Variants in CACNA1E observed in about 807,000 individuals in gnomAD.
CACNA1E encodes the protein calcium voltage-gated channel subunit alpha1 E, also known as voltage-dependent R-type calcium channel subunit alpha-1E.
In CACNA1E, 40 loss-of-function variants were observed where a neutral mutation model predicts 259.2. That is an observed-to-expected ratio of 0.15 (90% CI 0.12 to 0.20). CACNA1E has a LOEUF of 0.20. CACNA1E is among the 10% of genes least tolerant of loss of function. CACNA1E has a pLI of 1.00. For synonymous variants in CACNA1E, 1,104 were observed against 1,138.5 expected, an observed-to-expected ratio of 0.97 and a Z score of 0.61; for missense variants, 1,874 against 3,040.1, an observed-to-expected ratio of 0.62 and a Z score of 9.02.
At chr1:181,793,623 T>C in intron 44 of CACNA1E, 42 bp from the exon 45 acceptor site, 1 of 1,595,270 alleles carries the variant, frequency 6.3e-7, no homozygotes, top group Non-Finnish European at 8.5e-7. Flanking sequence ...AGCAATGAGA[T>C]GGAACCAAGT....
intron 3 of CACNA1E, among the ~76,000 whole-genome samples, chr1:181,568,741 A>G (rs1292588083): frequency 6.6e-6 from 1 of 152,134 alleles, no homozygotes; most frequent in Non-Finnish European, 1.5e-5. Flanking sequence ...CTACAGACAC[A>G]TGCCACCATG....
At chr1:181,414,212 T>C (rs972417230) in intron 2 of CACNA1E, among the ~76,000 whole-genome samples, 1 of 152,220 alleles carries the variant, frequency 6.6e-6, no homozygotes, top group African/African-American at 2.4e-5. Context: ...GCCCCAGGTT[T>C]TTGCTCCATA....
intron 6 of CACNA1E, among the ~76,000 whole-genome samples, chr1:181,628,309 C>T (rs1036335494): frequency 1.3e-5 from 2 of 152,178 alleles, no homozygotes; most frequent in African/African-American, 4.8e-5. Context: ...AGAGTGGATA[C>T]AGTGGCTCTG....
chr1:181,604,700 T>C (rs1654064553), intron 6 of CACNA1E, among the ~76,000 whole-genome samples: 1 of 152,246 alleles, frequency 6.6e-6, no homozygotes. Context: ...CTACACACTT[T>C]GCCCTATTTT....
At chr1:181,347,696 TA>T (rs1652710767) in intron 1 of CACNA1E, among the ~76,000 whole-genome samples, 1 of 152,240 alleles carries the variant, frequency 6.6e-6, no homozygotes, top group African/African-American at 2.4e-5. Context: ...TGTGACAGTC[TA>T]AACTCAATGA....
At position 181,604,798 on chromosome 1, in the gene CACNA1E, T is replaced by C. The variant is rs149947963; in HGVS notation, c.951+24022T>C. 1.8e-3 allele frequency among the ~76,000 whole-genome samples: 281 copies of C among 152,264 alleles called. 3 individuals carry two copies. The highest frequency in any genetic ancestry group is 6.3e-3 in the African/African-American group (263 of 41,558). On this transcript the variant is annotated intron_variant, in intron 6 of 47. Coordinates refer to ENST00000367573, the MANE Select transcript of CACNA1E (RefSeq NM_001205293.3). ...CCTCTCAGAGCCACTCTGATCCTCATAGGGTGGGAACTTGGCCCGGGGATG... is the reference window on the plus strand; with the variant it reads ...CCTCTCAGAGCCACTCTGATCCTCACAGGGTGGGAACTTGGCCCGGGGATG...
intron 1 of CACNA1E, among the ~76,000 whole-genome samples, chr1:181,361,148 A>T (rs934005984): frequency 6.6e-6 from 1 of 152,118 alleles, no homozygotes; most frequent in African/African-American, 2.4e-5. Context: ...TAGACACTGA[A>T]TCCTCTCTGC....
chr1:181,549,525 G>A (rs1297593608), intron 3 of CACNA1E, among the ~76,000 whole-genome samples: 1 of 152,194 alleles, frequency 6.6e-6, no homozygotes, highest in Non-Finnish European at 1.5e-5. Flanking sequence ...CCTTCAGGCT[G>A]CTTTCACATT....
At chr1:181,765,168 A>G (rs894234625) in intron 34 of CACNA1E, among the ~76,000 whole-genome samples, 111 of 152,150 alleles carry the variant, frequency 7.3e-4, no homozygotes, top group African/African-American at 2.6e-3. Context: ...CCCTCCCTAA[A>G]CAGCATCCAG....
intron 12 of CACNA1E, among the ~76,000 whole-genome samples, 173 bp downstream of exon 12, chr1:181,718,340 G>A (rs1281530967): frequency 1.3e-5 from 2 of 152,102 alleles, no homozygotes; most frequent in African/African-American, 4.8e-5. Flanking sequence ...CCCATGCAGG[G>A]TTTGTTTGTT....
intron 43 of CACNA1E, among the ~76,000 whole-genome samples, chr1:181,787,866 CA>C (rs1463579128): frequency 2.6e-5 from 4 of 152,100 alleles, no homozygotes; most frequent in Admixed American, 2.6e-4. Context: ...ATGGAGAGCT[CA>C]GGGGATGTGT....
At chr1:181,423,662 A>ATTTT (rs11302089) in intron 2 of CACNA1E, among the ~76,000 whole-genome samples, 14 of 130,994 alleles carry the variant, frequency 1.1e-4, no homozygotes, top group South Asian at 2.5e-4. Context: ...CATTGGGCCA[A>ATTTT]TTTTTTTTTT....
chr1:181,344,128 C>T (rs963727472), intron 1 of CACNA1E, among the ~76,000 whole-genome samples: 1 of 152,166 alleles, frequency 6.6e-6, no homozygotes, highest in Non-Finnish European at 1.5e-5. Context: ...CTAGCAGTCA[C>T]CCCACTGCTC....
rs1414208414 is a variant in CACNA1E at position 181,373,283 on chromosome 1, T to C, written c.-14-39850T>C. On this transcript the variant is annotated intron_variant, in intron 1 of 11. Transcript: ENST00000524607. ...CTGGTCCAGGGGTTTTTCTGGTTGG[T>C]AGGTTTTTATTACTGATTTAATCTT... Among the ~76,000 whole-genome samples, 3 of 152,162 alleles carry C rather than the reference T, an allele frequency of 2.0e-5. No homozygotes were observed. The East Asian group carries it at 5.8e-4, about 29-fold the overall frequency.
chr1:181,380,768 A>G (rs1018906914), intron 1 of CACNA1E, among the ~76,000 whole-genome samples: 23 of 152,228 alleles, frequency 1.5e-4, no homozygotes, highest in African/African-American at 5.1e-4. Flanking sequence ...AAATGATAGA[A>G]TTATGTTGGA....
chr1:181,763,108 T>C (rs1488630970), intron 33 of CACNA1E, among the ~76,000 whole-genome samples: 1 of 152,172 alleles, frequency 6.6e-6, no homozygotes, highest in Non-Finnish European at 1.5e-5. Context: ...ATCTGCTCTT[T>C]TTGGCATTTA....
At chr1:181,488,347 A>G (rs1414782864) in intron 1 of CACNA1E, among the ~76,000 whole-genome samples, 1 of 152,216 alleles carries the variant, frequency 6.6e-6, no homozygotes, top group Non-Finnish European at 1.5e-5. Flanking sequence ...GAAGTCTGTA[A>G]TTATATCCTA....
chr1:181,597,462 T>A (rs1281336514), intron 6 of CACNA1E, among the ~76,000 whole-genome samples: 3 of 152,210 alleles, frequency 2.0e-5, no homozygotes, highest in Non-Finnish European at 2.9e-5. Context: ...CGTTGGGATC[T>A]CTTTGAATGT....
At chr1:181,325,477 A>G (rs1650703527) in intron 1 of CACNA1E, among the ~76,000 whole-genome samples, 1 of 152,114 alleles carries the variant, frequency 6.6e-6, no homozygotes, top group African/African-American at 2.4e-5. Flanking sequence ...AGAACTTCTT[A>G]GGCATTCAAA....
Sources: gnomAD v4.1 joint callset for allele counts (sites outside exome capture counted in the v4.1 genomes callset) on GRCh38, gnomAD v4.1.1 for gene constraint, MANE v1.5 for transcripts, NCBI Gene and HGNC (gene_info 2026-07-23, HGNC 2026-07-21) for gene names.